Variants in TM9SF3 observed in about 807,000 individuals in gnomAD.
TM9SF3 encodes the protein transmembrane 9 superfamily member 3.
In TM9SF3, 14 loss-of-function variants were observed where a neutral mutation model predicts 78.6. The observed-to-expected ratio is 0.18, with a 90% CI of 0.12 to 0.28. The LOEUF (loss-of-function observed/expected upper bound fraction) is 0.28. Among genes scored for constraint, TM9SF3 ranks in the 10% least tolerant of loss-of-function variants. The pLI, the probability that TM9SF3 is intolerant of heterozygous loss-of-function variation, is 1.00. For missense variants in TM9SF3, 496 were observed against 721.9 expected, an observed-to-expected ratio of 0.69 and a Z score of 3.59; for synonymous variants, 231 against 241.7, an observed-to-expected ratio of 0.96 and a Z score of 0.41.
intron 5 of TM9SF3, among the ~76,000 whole-genome samples, chr10:96,556,840 C>T (rs1848239362): frequency 1.3e-5 from 2 of 152,120 alleles, no homozygotes; most frequent in Admixed American, 6.5e-5. Context: ...ATACCAAAAT[C>T]GTTGTCAAGT....
chr10:96,562,107 T>G lies in TM9SF3; in HGVS notation c.453A>C (p.Glu151Asp), dbSNP rs539154946. The change falls in exon 4 of 15, where the codon GAA becomes GAC. Residue 151 changes from glutamate to aspartate, a missense_variant. Glu to Asp is a conservative substitution (Grantham distance 45). Transcript: ENST00000371142. ...GIVGEADENG[E>D]DYYLWTYKKL... is the part of the protein sequence containing the mutation. Reference sequence around the variant, plus strand: ...TTTTATAGGTCCAAAGATAGTAATCTTCTCCATTTTCATCAGCCTCACCAA... The same window carrying G: ...TTTTATAGGTCCAAAGATAGTAATCGTCTCCATTTTCATCAGCCTCACCAA... 15 of 1,612,740 alleles carry G rather than the reference T, an allele frequency of 9.3e-6. No homozygotes were observed. The highest frequency in any genetic ancestry group is 1.3e-5 in the Non-Finnish European group (15 of 1,179,526).
At chr10:96,560,817 CA>C in intron 4 of TM9SF3, 1 of 544,428 alleles carries the variant, frequency 1.8e-6, no homozygotes, top group Admixed American at 2.0e-5. Context: ...ATCAAAAGGA[CA>C]AAAATCCTTC....
At chr10:96,536,339 G>C (rs1320851948) in intron 9 of TM9SF3, among the ~76,000 whole-genome samples, 1 of 151,902 alleles carries the variant, frequency 6.6e-6, no homozygotes, top group Non-Finnish European at 1.5e-5. Context: ...AGAAATAACA[G>C]ACATACAGAT....
rs1372413342 is a variant in TM9SF3, at chr10:96,582,550, A to C, written c.102+4184T>G. Among the ~76,000 whole-genome samples the C allele has an allele frequency of 2.0e-5, 3 of 152,350 alleles. No individual in the cohort carries two copies. In the East Asian group the frequency reaches 5.8e-4, roughly 29 times the overall value. Reference sequence around the variant, plus strand: ...AGCATAAACATACCTTTCACTGACTATAAAGAAGCCTATGTCCCTTCAATC... The same window carrying C: ...AGCATAAACATACCTTTCACTGACTCTAAAGAAGCCTATGTCCCTTCAATC... On this transcript the variant is annotated intron_variant, in intron 1 of 14. Transcript: ENST00000371142.
In TM9SF3 at chr10:96,528,202, G is replaced by C. The variant is rs761322325; in HGVS notation, c.1395-25C>G. On this transcript the variant is annotated intron_variant, in intron 11 of 14. Coordinates refer to ENST00000371142, the MANE Select transcript of TM9SF3 (RefSeq NM_020123.4). ...CCTAAGTAAATGCAATAAAGACACAGGTTTCCAGTCTTTATTCTTAAAGCT... is the reference window on the plus strand; with the variant it reads ...CCTAAGTAAATGCAATAAAGACACACGTTTCCAGTCTTTATTCTTAAAGCT... 3 of 1,594,394 alleles carry C rather than the reference G, an allele frequency of 1.9e-6. No homozygotes were observed. The South Asian group carries it at 3.4e-5, about 18-fold the overall frequency.
chr10:96,547,835 T>C, intron 8 of TM9SF3, 60 bp downstream of exon 8: 2 of 1,421,832 alleles, frequency 1.4e-6, no homozygotes, highest in Non-Finnish European at 2.0e-6. Flanking sequence ...ACAAAAAAAA[T>C]CTCATAGTAA....
intron 2 of TM9SF3, among the ~76,000 whole-genome samples, chr10:96,567,328 G>A (rs565646292): frequency 5.9e-5 from 9 of 152,058 alleles, no homozygotes; most frequent in African/African-American, 1.4e-4. Flanking sequence ...CAGGTGAACC[G>A]CCCGCCTCAG....
At chr10:96,568,195 T>C (rs1011160946) in intron 2 of TM9SF3, among the ~76,000 whole-genome samples, 3 of 152,222 alleles carry the variant, frequency 2.0e-5, no homozygotes, top group African/African-American at 7.2e-5. Context: ...GAAACAGCAT[T>C]TCCCTCAGGA....
chr10:96,543,659 A>G (rs1848062792), intron 9 of TM9SF3: 1 of 152,788 alleles, frequency 6.5e-6, no homozygotes, highest in South Asian at 2.1e-4. Flanking sequence ...ACTTTCTAAG[A>G]AAAGTATGTT....
At chr10:96,575,768 G>T (rs1848489869) in intron 2 of TM9SF3, among the ~76,000 whole-genome samples, 1 of 149,212 alleles carries the variant, frequency 6.7e-6, no homozygotes, top group African/African-American at 2.5e-5. Context: ...CAAAGCTCCT[G>T]TTTACAGGAT....
In TM9SF3 at chr10:96,533,283, C is replaced by T. The variant is rs41291634; in HGVS notation, c.1186-93G>A. ...ACACAATTTAAACACAATTTGACCA[C>T]AAAAGAAAATGTTTAAGTTCAATAT... On this transcript the variant is annotated intron_variant, in intron 9 of 14. Transcript: ENST00000371142. The T allele has an allele frequency of 2.6e-3, 3,799 of 1,434,690 alleles. 8 individuals are homozygous for T. Among genetic ancestry groups the T allele is most frequent in the Non-Finnish European group, 3.0e-3 (3,202 of 1,073,854 alleles). 88.9% of individuals were successfully genotyped at this position (1,434,690 alleles called of 1,614,324 possible). A position where few individuals can be genotyped will look rare whatever the true frequency, so the allele number is the denominator to read the frequency against.
intron 9 of TM9SF3, among the ~76,000 whole-genome samples, chr10:96,534,409 T>TTTA (rs2134133286): frequency 6.6e-6 from 1 of 152,338 alleles, no homozygotes; most frequent in Admixed American, 6.5e-5. Flanking sequence ...AAGCAGGTGT[T>TTTA]TTTAAGATAG....
intron 3 of TM9SF3, among the ~76,000 whole-genome samples, chr10:96,562,879 A>C (rs1266912303): frequency 5.3e-5 from 8 of 152,204 alleles, no homozygotes; most frequent in South Asian, 2.1e-4. Context: ...ACCCAAGCCT[A>C]AACAGTTCCC....
chr10:96,536,708 G>A (rs1336004391), intron 9 of TM9SF3, among the ~76,000 whole-genome samples: 2 of 152,044 alleles, frequency 1.3e-5, no homozygotes, highest in Admixed American at 6.5e-5. Context: ...CAGCCTACTC[G>A]ATGTGATGAT....
chr10:96,572,482 G>T (rs2134157601), intron 2 of TM9SF3, among the ~76,000 whole-genome samples: 1 of 151,762 alleles, frequency 6.6e-6, no homozygotes, highest in East Asian at 1.9e-4. Context: ...CCAGGCTCAA[G>T]GATGCCTAAT....
At chr10:96,554,023 T>C (rs1848205593) in intron 5 of TM9SF3, among the ~76,000 whole-genome samples, 1 of 152,092 alleles carries the variant, frequency 6.6e-6, no homozygotes, top group Non-Finnish European at 1.5e-5. Context: ...CCTTTCCACA[T>C]CCAGTTTTGA....
At chr10:96,564,899 T>C (rs1848351966) in intron 3 of TM9SF3, among the ~76,000 whole-genome samples, 1 of 152,052 alleles carries the variant, frequency 6.6e-6, no homozygotes, top group African/African-American at 2.4e-5. Context: ...GAAACTATCA[T>C]ACCAAGAAAC....
intron 11 of TM9SF3, 23 bp downstream of exon 11, chr10:96,530,517 A>G: frequency 6.3e-7 from 1 of 1,590,734 alleles, no homozygotes; most frequent in Non-Finnish European, 8.6e-7. Flanking sequence ...CCCTCAAAAC[A>G]TAAATACATT....
At chr10:96,556,339 G>T (rs1446828964) in intron 5 of TM9SF3, among the ~76,000 whole-genome samples, 2 of 152,238 alleles carry the variant, frequency 1.3e-5, no homozygotes, top group South Asian at 2.1e-4. Flanking sequence ...TTATATCAAC[G>T]TGAAATTCCC....
Sources: gnomAD v4.1 joint callset for allele counts (sites outside exome capture counted in the v4.1 genomes callset) on GRCh38, gnomAD v4.1.1 for gene constraint, MANE v1.5 for transcripts, NCBI Gene and HGNC (gene_info 2026-07-23, HGNC 2026-07-21) for gene names.